APAF1: variants seen among roughly 807,000 people sequenced by gnomAD.
APAF1 encodes the protein apoptotic protease-activating factor 1.
Under a neutral mutation model 152.4 loss-of-function variants are expected in APAF1, and 91 were observed. That is an observed-to-expected ratio of 0.60 (90% CI 0.50 to 0.71). The LOEUF is 0.71. APAF1 is among the 30% of genes least tolerant of loss of function. APAF1 has a pLI of 0.00. For missense variants in APAF1, 1,283 were observed against 1,472.0 expected, an observed-to-expected ratio of 0.87 and a Z score of 2.10; for synonymous variants, 484 against 494.1, an observed-to-expected ratio of 0.98 and a Z score of 0.27.
chr12:98,653,541 C>T lies in APAF1; in HGVS notation c.526+3857C>T, dbSNP rs557436019. On this transcript the variant is annotated intron_variant, in intron 4 of 26. Transcript: ENST00000551964. Reference sequence around the variant, plus strand: ...GCGTGGTGGCGCATGCCTGTAATCCCAGCTACCCAGGTGGCTGAGGCATAA... The same window carrying T: ...GCGTGGTGGCGCATGCCTGTAATCCTAGCTACCCAGGTGGCTGAGGCATAA... Among the ~76,000 whole-genome samples the T allele has an allele frequency of 1.9e-3, 286 of 149,948 alleles. 2 individuals are homozygous for T. Among genetic ancestry groups the T allele is most frequent in the African/African-American group, 6.7e-3 (274 of 40,942 alleles).
intron 4 of APAF1, among the ~76,000 whole-genome samples, chr12:98,652,878 G>A (rs576612967): frequency 3.1e-4 from 47 of 152,178 alleles, no homozygotes; most frequent in African/African-American, 9.9e-4. Flanking sequence ...CCCCTGCCTC[G>A]CCTCCCAAAG....
chr12:98,678,815 G>A (rs1238350543), intron 13 of APAF1, among the ~76,000 whole-genome samples: 2 of 152,250 alleles, frequency 1.3e-5, no homozygotes, highest in Non-Finnish European at 2.9e-5. Context: ...GCTTGGGGCA[G>A]TGCTGACATG....
At chr12:98,698,823 T>TA (rs1459836539) in intron 16 of APAF1, among the ~76,000 whole-genome samples, 1 of 152,242 alleles carries the variant, frequency 6.6e-6, no homozygotes, top group Non-Finnish European at 1.5e-5. Context: ...CAAGTGGTCC[T>TA]ACTAGTGAGC....
At chr12:98,676,803 C>T (rs542934971) in intron 12 of APAF1, among the ~76,000 whole-genome samples, 1 of 152,242 alleles carries the variant, frequency 6.6e-6, no homozygotes, top group Admixed American at 6.5e-5. Context: ...CGTGCCACCA[C>T]ACCCAGCTAA....
intron 2 of APAF1, 35 bp downstream of exon 2, chr12:98,648,532 AAATTTTTAGAATTTC>A: frequency 1.2e-6 from 2 of 1,609,740 alleles, no homozygotes; most frequent in Non-Finnish European, 1.7e-6. Flanking sequence ...ACTTCCTTAA[AAATTTTTAGAATTTC>A]AGAACTTGTA....
Position 98,727,590 on chromosome 12 carries a change from TAAAGA to T in APAF1, c.3600+281_3600+285del, listed in dbSNP as rs376555132. On this transcript the variant is annotated intron_variant, in intron 26 of 26. Transcript: ENST00000551964. ...CTGGCAGTAAAATGAGTTTAGTAAC[TAAAGA>T]AAAGAACAGAAAAAAATATTGAAAA... Among the ~76,000 whole-genome samples, 72 of 144,542 alleles carry T rather than the reference TAAAGA, an allele frequency of 5.0e-4. 1 individual carries two copies. The highest frequency in any genetic ancestry group is 1.6e-3 in the African/African-American group (65 of 39,454). 94.8% of individuals were successfully genotyped at this position (144,542 alleles called of 152,430 possible). A position where few individuals can be genotyped will look rare whatever the true frequency, so the allele number is the denominator to read the frequency against.
chr12:98,665,048 A>G (rs1051785327), intron 7 of APAF1, among the ~76,000 whole-genome samples: 2 of 150,796 alleles, frequency 1.3e-5, no homozygotes, highest in Non-Finnish European at 3.0e-5. Flanking sequence ...CTTTTTCTTT[A>G]AGACAGAGTC....
At chr12:98,662,165 T>G (rs1286779698) in intron 5 of APAF1, among the ~76,000 whole-genome samples, 8 of 144,348 alleles carry the variant, frequency 5.5e-5, no homozygotes, top group Admixed American at 1.4e-4. Flanking sequence ...TTTTTTTTTT[T>G]GGCACTCAGT....
intron 4 of APAF1, among the ~76,000 whole-genome samples, chr12:98,650,265 C>T (rs1250100754): frequency 6.6e-6 from 1 of 151,860 alleles, no homozygotes; most frequent in African/African-American, 2.4e-5. Flanking sequence ...CGTGGATCAC[C>T]TGAGGTCAGG....
rs1172295929 is a variant in APAF1 at position 98,723,193 on chromosome 12, G to A, written c.3085G>A (p.Val1029Ile). 3.7e-6 allele frequency: 6 copies of A among 1,613,142 alleles called. No homozygotes were observed. The highest frequency in any genetic ancestry group is 1.1e-5 in the South Asian group (1 of 91,042). ...ACAGACTTATTTCTTTGATATTCAG[G>A]TATGGAATTGGCAATTGGACAAATG... ...ISSSDDAEIQ[V>I]WNWQLDKCIF... Residue 1029 changes from valine to isoleucine, a missense_variant and splice_region_variant, in exon 23 of 27, where the codon GTA becomes ATA. Physicochemically the swap from Val to Ile is conservative, Grantham distance 29. Transcript: ENST00000551964.
chr12:98,658,221 CTA>C (rs944416472), intron 4 of APAF1, among the ~76,000 whole-genome samples: 3 of 151,896 alleles, frequency 2.0e-5, no homozygotes, highest in African/African-American at 7.3e-5. Context: ...TAAGTATAGT[CTA>C]TGAAGACTTA....
chr12:98,704,531 TTG>T (rs2097719283), intron 18 of APAF1, among the ~76,000 whole-genome samples: 1 of 151,910 alleles, frequency 6.6e-6, no homozygotes, highest in Non-Finnish European at 1.5e-5. Flanking sequence ...TGGGGGAGAG[TTG>T]CTAAGCTATA....
chr12:98,705,736 A>G (rs2097720690), intron 18 of APAF1, among the ~76,000 whole-genome samples: 2 of 152,202 alleles, frequency 1.3e-5, no homozygotes, highest in Admixed American at 1.3e-4. Flanking sequence ...TGTTACAATT[A>G]TTGTGTTAAT....
chr12:98,707,173 T>C (rs1432967018), intron 19 of APAF1, among the ~76,000 whole-genome samples: 2 of 152,140 alleles, frequency 1.3e-5, no homozygotes, highest in Non-Finnish European at 2.9e-5. Context: ...CCAAAGTAAA[T>C]ATATACTTCT....
At chr12:98,651,360 G>A (rs921906803) in intron 4 of APAF1, among the ~76,000 whole-genome samples, 1 of 152,126 alleles carries the variant, frequency 6.6e-6, no homozygotes, top group Non-Finnish European at 1.5e-5. Flanking sequence ...GTGTACTCTT[G>A]TAAAATATGT....
chr12:98,715,610 A>G lies in APAF1; in HGVS notation c.3084+58A>G, dbSNP rs1193501663. 18 of 1,588,380 alleles carry G rather than the reference A, an allele frequency of 1.1e-5. No homozygotes were observed. In the Middle Eastern group the frequency reaches 5.0e-4, roughly 44 times the overall value. ...ATGCTGATTCTAGCAAAGGAACACT[A>G]TGATTATGCCTAAAATCTGGTGTAT... On this transcript the variant is annotated intron_variant, in intron 22 of 26. Transcript: ENST00000551964.
chr12:98,712,229 T>C, intron 20 of APAF1, 90 bp from the exon 21 acceptor site: 3 of 785,506 alleles, frequency 3.8e-6, no homozygotes, highest in Middle Eastern at 2.9e-4. Context: ...TTCTGTGTTT[T>C]ATTTTATTTT....
At chr12:98,708,052 T>G (rs1565887057) in intron 19 of APAF1, among the ~76,000 whole-genome samples, 1 of 152,202 alleles carries the variant, frequency 6.6e-6, no homozygotes, top group Non-Finnish European at 1.5e-5. Flanking sequence ...GTTCAAGCAA[T>G]TCTCCTGTCT....
chr12:98,662,457 T>G lies in APAF1; in HGVS notation c.712T>G (p.Ser238Ala). 2 of 1,606,452 alleles carry G rather than the reference T, an allele frequency of 1.2e-6. No homozygotes were observed. The highest frequency in any genetic ancestry group is 1.7e-6 in the Non-Finnish European group (2 of 1,173,348). Reference protein sequence around the residue: ...RILMLRKHPRSLLILDDVWDS... With the variant: ...RILMLRKHPRALLILDDVWDS... ...ATTAATATTTTTTTTTTAAATTAGG[T>G]CTCTCTTGATCTTGGATGATGTTTG... Residue 238 changes from serine to alanine, a missense_variant and splice_region_variant, in exon 6 of 27, where the codon TCT (serine) becomes GCT (alanine). Physicochemically the swap from Ser to Ala is moderately conservative, Grantham distance 99. Transcript: ENST00000551964.
Sources: gnomAD v4.1 joint callset for allele counts (sites outside exome capture counted in the v4.1 genomes callset) on GRCh38, gnomAD v4.1.1 for gene constraint, MANE v1.5 for transcripts, NCBI Gene and HGNC (gene_info 2026-07-23, HGNC 2026-07-21) for gene names.